The following GNAS variants were observed in gnomAD, a reference collection of about 807,000 sequenced individuals.
GNAS encodes GNAS complex locus, also known as protein ALEX.
GNAS carries 8 observed loss-of-function variants against 54.5 expected under a neutral mutation model. That is an observed-to-expected ratio of 0.15 (90% CI 0.09 to 0.26). The LOEUF (loss-of-function observed/expected upper bound fraction) is 0.26, where lower values mean the gene tolerates loss of function less well. Ranked by LOEUF, GNAS falls within the 10% of genes least tolerant of loss-of-function variation. The probability of loss-of-function intolerance (pLI) is 1.00; values close to 1 mark genes in which losing one functional copy is unlikely to be tolerated. For missense variants in GNAS, 170 were observed against 529.8 expected (o/e 0.32, Z 6.67); for synonymous variants, 204 against 191.4 (o/e 1.07, Z -0.54).
chr20:58,909,498 C>T lies in GNAS; in HGVS notation c.660-23C>T, dbSNP rs1253813450. The T allele has an allele frequency of 1.2e-6, 2 of 1,613,712 alleles. No individual in the cohort carries two copies. The highest frequency in any genetic ancestry group is 2.7e-5 in the African/African-American group (2 of 74,978). On this transcript the variant is annotated intron_variant, in intron 8 of 12. Transcript: ENST00000371085. This position sits in a 1 kb window ranked among gnomAD's most constrained non-coding sequence, Gnocchi z 7.3. The stretch of plus-strand genomic sequence containing the variant: ...ATTCACCCCAGTCCCTCTGGAATAA[C>T]CAGCTGTCCTCCTCCCCACCAGCAT...
At chr20:58,852,881 A>G (rs754337565) in intron 1 of GNAS, 15 of 386,768 alleles carry the variant, frequency 3.9e-5, no homozygotes, top group Non-Finnish European at 5.4e-5. Flanking sequence ...GGTGGCAGAG[A>G]GAGAGCGCTA....
At chr20:58,895,152 T>C in intron 1 of GNAS, 1 of 264,086 alleles carries the variant, frequency 3.8e-6, no homozygotes, top group South Asian at 4.1e-5. Context: ...CTGGGCATTG[T>C]TGGGAATCCC....
intron 6 of GNAS, among the ~76,000 whole-genome samples, chr20:58,907,120 CAGGA>C (rs1175994598): frequency 6.6e-6 from 1 of 152,150 alleles, no homozygotes; most frequent in Non-Finnish European, 1.5e-5. Flanking sequence ...CCTGAATAAA[CAGGA>C]GGGAGGAAGA....
intron 1 of GNAS, chr20:58,855,231 C>A: frequency 6.3e-7 from 1 of 1,594,934 alleles, no homozygotes; most frequent in Non-Finnish European, 8.5e-7. Context: ...CCTGGAGAAG[C>A]GGGCCCAGAA....
Position 58,910,945 on chromosome 20 carries a change from C to T in GNAS, c.*116C>T, listed in dbSNP as rs1223852403. On this transcript the variant is annotated 3_prime_UTR_variant, in exon 13 of 13. Transcript: ENST00000371085. This position sits in a 1 kb window ranked among gnomAD's most constrained non-coding sequence, Gnocchi z 5.8. ...GCATGATTAACAAAGCAACCTTTCC[C>T]TTCCCCCGAGTGATTTTGCGAAACC... 2 of 1,051,866 alleles carry T rather than the reference C, an allele frequency of 1.9e-6. No homozygotes were observed. The highest frequency in any genetic ancestry group is 2.4e-5 in the East Asian group (1 of 40,840). The allele number at this position is 1,051,866 out of a possible 1,614,324, so 65.2% of individuals were successfully genotyped here.
chr20:58,881,385 A>C (rs1157274290), intron 1 of GNAS, among the ~76,000 whole-genome samples: 1 of 152,230 alleles, frequency 6.6e-6, no homozygotes, highest in Admixed American at 6.5e-5. Flanking sequence ...TCTTGGCAGA[A>C]GACAGGGATC....
At chr20:58,852,555 G>T (rs1234018950) in intron 1 of GNAS, among the ~76,000 whole-genome samples, 3 of 152,176 alleles carry the variant, frequency 2.0e-5, no homozygotes, top group East Asian at 1.9e-4. Flanking sequence ...GTATCCTGGG[G>T]TGATGAAATC....
chr20:58,846,970 T>C lies in GNAS; in HGVS notation c.43+6084T>C, dbSNP rs536282993. 1.4e-4 allele frequency among the ~76,000 whole-genome samples: 22 copies of C among 152,298 alleles called. No homozygotes were observed. The South Asian group carries it at 4.6e-3, about 32-fold the overall frequency. ...CTCTCTCTTAGTTGCTTTCCCATGG[T>C]GCTGTTCATCTTTTCTGGAATGGCC... On this transcript the variant is annotated intron_variant, in intron 1 of 12. Coordinates refer to the GNAS transcript ENST00000306090.
chr20:58,901,985 G>T (rs2090648455), intron 3 of GNAS, among the ~76,000 whole-genome samples: 1 of 152,014 alleles, frequency 6.6e-6, no homozygotes, highest in Non-Finnish European at 1.5e-5. Flanking sequence ...TTCTACTCCA[G>T]TCTATGAATT....
At chr20:58,894,686 G>C (rs1156272563) in intron 1 of GNAS, among the ~76,000 whole-genome samples, 1 of 152,192 alleles carries the variant, frequency 6.6e-6, no homozygotes, top group African/African-American at 2.4e-5. Context: ...ACAAATGAAA[G>C]ATGATTTAAA....
At chr20:58,879,968 C>T (rs890576377) in intron 1 of GNAS, among the ~76,000 whole-genome samples, 3 of 152,086 alleles carry the variant, frequency 2.0e-5, no homozygotes, top group African/African-American at 7.2e-5. Flanking sequence ...GATTCTGTTC[C>T]TTGAAAAAAA....
upstream of GNAS, among the ~76,000 whole-genome samples, chr20:58,890,255 CGCCGCCGCCGCG>C (rs898600720): frequency 8.4e-4 from 126 of 150,770 alleles, no homozygotes; most frequent in African/African-American, 2.0e-3. Context: ...GCCCCGAGGC[CGCCGCCGCCGCG>C]GCCGCCGCCG....
chr20:58,865,187 G>T (rs1362838037), intron 1 of GNAS, among the ~76,000 whole-genome samples: 1 of 152,016 alleles, frequency 6.6e-6, no homozygotes, highest in Non-Finnish European at 1.5e-5. Context: ...GGAGGCCAAG[G>T]TGGGCAGATC....
chr20:58,895,058 A>G (rs2089914098), intron 1 of GNAS: 1 of 175,176 alleles, frequency 5.7e-6, no homozygotes, highest in East Asian at 1.6e-4. Context: ...GGGGTAGGAA[A>G]CCTGCACAGA....
rs2145476540 is a variant in GNAS, at chr20:58,841,239, C to A, written c.43+353C>A. On this transcript the variant is annotated intron_variant, in intron 1 of 12. Coordinates refer to the GNAS transcript ENST00000306090. The surrounding 1 kb of genome is among the most constrained non-coding windows in gnomAD (Gnocchi z 5.0). ...CGGCATTGGTAAGTCACTTGTTTTG[C>A]GCGCTTTTCTTCCTCCTAGAAAGAC... 1 of 869,194 alleles carries A rather than the reference C, an allele frequency of 1.2e-6. No homozygotes were observed. The highest frequency in any genetic ancestry group is 1.5e-6 in the Non-Finnish European group (1 of 682,452). 53.8% of individuals were successfully genotyped at this position (869,194 alleles called of 1,614,324 possible).
chr20:58,855,049 G>C lies in GNAS; in HGVS notation c.43+14163G>C, dbSNP rs775744465. 12 of 1,612,998 alleles carry C rather than the reference G, an allele frequency of 7.4e-6. No homozygotes were observed. In the East Asian group the frequency reaches 2.7e-4, roughly 36 times the overall value. On this transcript the variant is annotated intron_variant, in intron 1 of 12. Transcript: ENST00000306090. ...GGATGCCTCCGCTGGTTTCAGCATC[G>C]GCGAAATCGCCGCCGCCGAAAGCCC...
intron 1 of GNAS, among the ~76,000 whole-genome samples, chr20:58,892,699 G>A (rs1021924532): frequency 6.6e-6 from 1 of 152,002 alleles, no homozygotes; most frequent in African/African-American, 2.4e-5. Flanking sequence ...AGGAGGAGAA[G>A]GAGAGTCAAA....
chr20:58,877,999 GA>G (rs1225824665), intron 1 of GNAS, among the ~76,000 whole-genome samples: 2 of 151,550 alleles, frequency 1.3e-5, no homozygotes, highest in African/African-American at 2.4e-5. Flanking sequence ...AGAGAGGGCG[GA>G]AAAAAAACAA....
upstream of GNAS, chr20:58,840,679 G>C: frequency 6.2e-7 from 1 of 1,604,898 alleles, no homozygotes; most frequent in Non-Finnish European, 8.5e-7. This position sits in a 1 kb window ranked among gnomAD's most constrained non-coding sequence, Gnocchi z 6.0. Flanking sequence ...CCAGGGAAGG[G>C]GAGGAGCTCA....
Sources: gnomAD v4.1 joint callset for allele counts (sites outside exome capture counted in the v4.1 genomes callset) on GRCh38, gnomAD v4.1.1 for gene constraint, Gnocchi (gnomAD v3.1) non-coding constraint, MANE v1.5 for transcripts, NCBI Gene and HGNC (gene_info 2026-07-23, HGNC 2026-07-21) for gene names.